The following ITSN2 variants were observed in gnomAD, a reference collection of about 807,000 sequenced individuals.
ITSN2 encodes the protein intersectin 2.
In ITSN2, 156 loss-of-function variants were observed where a neutral mutation model predicts 243.7. That is an observed-to-expected ratio of 0.64 (90% CI 0.56 to 0.73). The LOEUF (loss-of-function observed/expected upper bound fraction) is 0.73. Among genes scored for constraint, ITSN2 ranks in the 30% least tolerant of loss-of-function variants. The pLI is 0.00. For missense variants in ITSN2, 1,801 were observed against 1,996.1 expected, an observed-to-expected ratio of 0.90 and a Z score of 1.86; for synonymous variants, 703 against 699.9, an observed-to-expected ratio of 1.00 and a Z score of -0.07.
At chr2:24,318,476 G>C (rs1347854807) in intron 2 of ITSN2, among the ~76,000 whole-genome samples, 1 of 152,130 alleles carries the variant, frequency 6.6e-6, no homozygotes. Context: ...TATCATAAAA[G>C]CCATTCAACA....
Position 24,205,223 on chromosome 2 carries a change from T to G in ITSN2, c.4753A>C (p.Lys1585Gln), listed in dbSNP as rs761392631. The G allele has an allele frequency of 6.2e-7, 1 of 1,613,812 alleles. No homozygotes were observed. Among genetic ancestry groups the G allele is most frequent in the Admixed American group, 1.7e-5 (1 of 60,024 alleles). Residue 1585 changes from lysine to glutamine, a missense_variant, in exon 38 of 40, where the codon AAA (lysine) becomes CAA (glutamine). By Grantham distance (53) the Lys-to-Gln change is moderately conservative. Around this residue, in one of 5 missense-constraint regions of ITSN2, gnomAD observed 928 missense variants for 1,065.4 expected, o/e 0.87. Coordinates refer to ENST00000355123, the MANE Select transcript of ITSN2 (RefSeq NM_006277.3). ...TCAAGGCAGTATTTACCATTTGGTT[T>G]GCAGGCTTTTAATTCTGTAGCTTCA... Reference protein sequence around the residue: ...VIEATELKACKPNGKSNPYCE... With the variant: ...VIEATELKACQPNGKSNPYCE...
At chr2:24,336,030 A>T (rs1471692076) in intron 1 of ITSN2, among the ~76,000 whole-genome samples, 1 of 151,630 alleles carries the variant, frequency 6.6e-6, no homozygotes, top group African/African-American at 2.4e-5. Flanking sequence ...TCACGAGGTC[A>T]GGAGATCGAG....
At chr2:24,238,354 C>T (rs948582820) in intron 29 of ITSN2, among the ~76,000 whole-genome samples, 6 of 151,756 alleles carry the variant, frequency 4.0e-5, no homozygotes, top group East Asian at 1.9e-4. Flanking sequence ...AATAAGTTTC[C>T]GGAGATGAGG....
At chr2:24,297,152 AATAAT>A (rs1443676882) in intron 13 of ITSN2, among the ~76,000 whole-genome samples, 1 of 152,196 alleles carries the variant, frequency 6.6e-6, no homozygotes, top group Non-Finnish European at 1.5e-5. Flanking sequence ...GAAGGAATAA[AATAAT>A]ATATTTCTGA....
rs528657499 is a variant in ITSN2 at position 24,217,498 on chromosome 2, C to T, written c.3806+409G>A. Among the ~76,000 whole-genome samples the T allele has an allele frequency of 1.2e-4, 18 of 152,150 alleles. No individual in the cohort carries two copies. In the South Asian group the frequency reaches 2.7e-3, roughly 23 times the overall value. On this transcript the variant is annotated intron_variant, in intron 31 of 39. Coordinates refer to ENST00000355123, the MANE Select transcript of ITSN2 (RefSeq NM_006277.3). ...CTTGGGGGGCCTGTCCTCACAGCCACGAAGGATGGAAAATCACCCCAACAG... is the reference window on the plus strand; with the variant it reads ...CTTGGGGGGCCTGTCCTCACAGCCATGAAGGATGGAAAATCACCCCAACAG...
chr2:24,289,526 G>A (rs1679964478), intron 15 of ITSN2, among the ~76,000 whole-genome samples: 1 of 152,098 alleles, frequency 6.6e-6, no homozygotes. Context: ...TCAACATATA[G>A]GATCATGTCA....
chr2:24,208,264 TCTC>T lies in ITSN2; in HGVS notation c.4648_4650del (p.Glu1550del), dbSNP rs760350017. Reference sequence around the variant, plus strand: ...TGGTAAGCTTTCTCACGCTTCTTCTTCTCGGTGTCGATGTACTGCTCAGACGCC... The same window carrying T: ...TGGTAAGCTTTCTCACGCTTCTTCTTGGTGTCGATGTACTGCTCAGACGCC... On this transcript the variant is annotated inframe_deletion, in exon 37 of 40. Transcript: ENST00000355123. 1 of 1,612,448 alleles carries T rather than the reference TCTC, an allele frequency of 6.2e-7. No individual in the cohort carries two copies.
rs375747198 is a variant in ITSN2 at position 24,303,834 on chromosome 2, C to A, written c.822G>T (p.Gln274His). ...SGFQARNALLQSNLSQTQLAT... is the reference protein window; with the variant it reads ...SGFQARNALLHSNLSQTQLAT... ...CCAGCTGAGTTTGAGAAAGATTTGACTGAAGAAGGGCATTTCTAGCTTGAA... is the reference window on the plus strand; with the variant it reads ...CCAGCTGAGTTTGAGAAAGATTTGAATGAAGAAGGGCATTTCTAGCTTGAA... The change falls in exon 9 of 40, where the codon CAG (glutamine) becomes CAT (histidine). Residue 274 changes from glutamine (Q) to histidine (H), a missense_variant. Transcript: ENST00000355123. 121 of 1,610,712 alleles carry A rather than the reference C, an allele frequency of 7.5e-5. No homozygotes were observed. In the South Asian group the frequency reaches 1.2e-3, roughly 17 times the overall value.
chr2:24,299,020 C>A (rs1444358542), intron 12 of ITSN2, among the ~76,000 whole-genome samples: 2 of 148,554 alleles, frequency 1.3e-5, no homozygotes, highest in Non-Finnish European at 3.0e-5. Flanking sequence ...CATTTCTTCA[C>A]GAGATCTTTT....
chr2:24,269,201 C>A (rs897846849), intron 20 of ITSN2, among the ~76,000 whole-genome samples: 9 of 152,066 alleles, frequency 5.9e-5, no homozygotes, highest in African/African-American at 1.9e-4. Context: ...AGCTCCATTA[C>A]TCTCATGTCT....
chr2:24,261,315 T>C, intron 21 of ITSN2, 65 bp from the exon 22 acceptor site: 7 of 1,196,784 alleles, frequency 5.8e-6, no homozygotes, highest in Non-Finnish European at 8.4e-6. Context: ...GTACTACCAA[T>C]TTATCAACTT....
chr2:24,330,758 G>T, intron 1 of ITSN2: 1 of 509,832 alleles, frequency 2.0e-6, no homozygotes, highest in Non-Finnish European at 3.6e-6. Context: ...AAAAAATGCA[G>T]AATTTCATTT....
intron 29 of ITSN2, among the ~76,000 whole-genome samples, chr2:24,228,658 G>A (rs1368754328): frequency 6.6e-6 from 1 of 152,070 alleles, no homozygotes; most frequent in African/African-American, 2.4e-5. Context: ...AACAGACATA[G>A]ACTACATAAT....
At chr2:24,223,689 A>C (rs1339907007) in intron 29 of ITSN2, among the ~76,000 whole-genome samples, 2 of 150,792 alleles carry the variant, frequency 1.3e-5, no homozygotes, top group African/African-American at 4.9e-5. Flanking sequence ...GTTTCAAAAA[A>C]AAAAAAAAAA....
chr2:24,315,771 T>TTC (rs1382276933), intron 2 of ITSN2, among the ~76,000 whole-genome samples: 2 of 152,214 alleles, frequency 1.3e-5, no homozygotes, highest in Admixed American at 1.3e-4. Flanking sequence ...CCCTTGCTGC[T>TTC]TCTCTCTCTC....
intron 30 of ITSN2, among the ~76,000 whole-genome samples, chr2:24,218,985 GC>G (rs1403097912): frequency 6.6e-6 from 1 of 152,114 alleles, no homozygotes; most frequent in Non-Finnish European, 1.5e-5. Flanking sequence ...TATGAGACCT[GC>G]CCCCTGCCAA....
chr2:24,351,465 C>G (rs1036142817), intron 1 of ITSN2, among the ~76,000 whole-genome samples: 1 of 152,202 alleles, frequency 6.6e-6, no homozygotes, highest in Non-Finnish European at 1.5e-5. Flanking sequence ...TACTTCCTAG[C>G]TTTGTGGACT....
intron 9 of ITSN2, among the ~76,000 whole-genome samples, chr2:24,302,365 A>AT: frequency 6.6e-6 from 1 of 151,764 alleles, no homozygotes; most frequent in Non-Finnish European, 1.5e-5. Context: ...CGCCTGGCTA[A>AT]TTTTTTGTAT....
intron 1 of ITSN2, among the ~76,000 whole-genome samples, chr2:24,348,142 T>G (rs1458948268): frequency 6.6e-6 from 1 of 150,716 alleles, no homozygotes; most frequent in Non-Finnish European, 1.5e-5. Context: ...TACTCTTCAG[T>G]AAAGAGAAGG....
Sources: gnomAD v4.1 joint callset for allele counts (sites outside exome capture counted in the v4.1 genomes callset) on GRCh38, gnomAD v4.1.1 for gene constraint, gnomAD v4.1.1 regional missense constraint, MANE v1.5 for transcripts, NCBI Gene and HGNC (gene_info 2026-07-23, HGNC 2026-07-21) for gene names.